Variants in CORO2B observed in about 807,000 individuals in gnomAD.
CORO2B encodes coronin 2B.
Under a neutral mutation model 58.8 loss-of-function variants are expected in CORO2B, and 26 were observed. The ratio of observed to expected loss-of-function variants is 0.44; its 90% CI spans 0.32 to 0.61. The LOEUF (loss-of-function observed/expected upper bound fraction) is 0.61, where lower values mean the gene tolerates loss of function less well. Ranked by LOEUF, CORO2B falls within the 20% of genes least tolerant of loss-of-function variation. The pLI is 0.04. For synonymous variants in CORO2B, 242 were observed against 253.8 expected (o/e 0.95, Z 0.44); for missense variants, 460 against 645.1 (o/e 0.71, Z 3.11).
intron 3 of CORO2B, among the ~76,000 whole-genome samples, chr15:68,707,151 G>A (rs1892805375): frequency 1.3e-5 from 2 of 152,128 alleles, no homozygotes; most frequent in South Asian, 4.1e-4. Context: ...TAAAGTGCTA[G>A]GATTACAGAC....
At chr15:68,539,783 C>G in the CORO2B span, among the ~76,000 whole-genome samples, 1 of 152,122 alleles carries the variant, frequency 6.6e-6, no homozygotes, top group African/African-American at 2.4e-5. Flanking sequence ...ATATTTTAAT[C>G]AAAGTATTTG....
At chr15:68,696,513 C>T (rs145768070) in intron 3 of CORO2B, among the ~76,000 whole-genome samples, 1 of 146,218 alleles carries the variant, frequency 6.8e-6, no homozygotes, top group Non-Finnish European at 1.5e-5. Context: ...CGTGCCACTG[C>T]AGTCCATGCA....
At chr15:68,612,745 TCTC>T (rs1235487792) in intron 1 of CORO2B, among the ~76,000 whole-genome samples, 1 of 152,160 alleles carries the variant, frequency 6.6e-6, no homozygotes, top group Non-Finnish European at 1.5e-5. Flanking sequence ...CACGCCGCAG[TCTC>T]CTCCTCTGCA....
At chr15:68,563,841 A>G in the CORO2B span, among the ~76,000 whole-genome samples, 377 of 152,338 alleles carry the variant, frequency 2.5e-3, no homozygotes, top group South Asian at 0.012. Flanking sequence ...CTAAACAGCT[A>G]TAAGAAATAA....
At chr15:68,542,246 T>C in the CORO2B span, among the ~76,000 whole-genome samples, 2 of 152,238 alleles carry the variant, frequency 1.3e-5, no homozygotes, top group Admixed American at 6.5e-5. Flanking sequence ...TTAATCAATT[T>C]CTGAACTCAT....
At chr15:68,698,334 C>G (rs888025960) in intron 3 of CORO2B, among the ~76,000 whole-genome samples, 1 of 152,188 alleles carries the variant, frequency 6.6e-6, no homozygotes, top group Non-Finnish European at 1.5e-5. Context: ...TAGACCAGGG[C>G]TCCTGGAATC....
chr15:68,689,907 G>T (rs1489754945), intron 2 of CORO2B, among the ~76,000 whole-genome samples: 2 of 152,206 alleles, frequency 1.3e-5, no homozygotes, highest in African/African-American at 2.4e-5. Flanking sequence ...GTGTTGGCTC[G>T]TGAGAGCCTA....
At chr15:68,520,089 T>G in the CORO2B span, among the ~76,000 whole-genome samples, 1 of 152,244 alleles carries the variant, frequency 6.6e-6, no homozygotes, top group East Asian at 1.9e-4. Flanking sequence ...CTTGTTATTC[T>G]TTCATTATCG....
chr15:68,585,492 G>T (rs1023326010), intron 1 of CORO2B, among the ~76,000 whole-genome samples: 1 of 152,224 alleles, frequency 6.6e-6, no homozygotes, highest in African/African-American at 2.4e-5. Context: ...GAGGCTTAGT[G>T]AGAGTAGGTG....
At chr15:68,655,606 C>T (rs927381680) in intron 2 of CORO2B, among the ~76,000 whole-genome samples, 8 of 152,222 alleles carry the variant, frequency 5.3e-5, no homozygotes, top group Non-Finnish European at 5.9e-5. Context: ...TCTCAGAGTC[C>T]ACACTCACAT....
chr15:68,548,197 G>A, the CORO2B span, among the ~76,000 whole-genome samples: 196 of 151,636 alleles, frequency 1.3e-3, no homozygotes, highest in African/African-American at 4.6e-3. Context: ...ATATGTGTGT[G>A]TGTGTGTGTT....
At position 68,708,690 on chromosome 15, in the gene CORO2B, T is replaced by A. The variant is rs534865693; in HGVS notation, c.334-2042T>A. On this transcript the variant is annotated intron_variant, in intron 3 of 11. Coordinates refer to ENST00000261861, the MANE Select transcript of CORO2B (RefSeq NM_006091.5). ...CCTTTGGCTTTCTTCCTTTTTTTTT[T>A]ATTTTCTGAGACAGAGTCTCGCTCT... is the stretch of plus-strand genomic sequence containing the variant. 3.1e-3 allele frequency among the ~76,000 whole-genome samples: 479 copies of A among 152,114 alleles called. 5 individuals are homozygous for A. Among genetic ancestry groups the A allele is most frequent in the African/African-American group, 0.011 (462 of 41,450 alleles).
the CORO2B span, among the ~76,000 whole-genome samples, chr15:68,521,235 A>G: frequency 1.3e-5 from 2 of 151,980 alleles, no homozygotes; most frequent in Admixed American, 6.6e-5. Flanking sequence ...GCTATTTTTC[A>G]TTATTCCATC....
At chr15:68,602,297 T>C (rs1900003994) in intron 1 of CORO2B, among the ~76,000 whole-genome samples, 1 of 151,858 alleles carries the variant, frequency 6.6e-6, no homozygotes, top group African/African-American at 2.4e-5. Context: ...TTTTGATTAG[T>C]AGAAATAATT....
At chr15:68,533,161 C>G in the CORO2B span, among the ~76,000 whole-genome samples, 1 of 152,182 alleles carries the variant, frequency 6.6e-6, no homozygotes, top group African/African-American at 2.4e-5. Flanking sequence ...CACAAATCCC[C>G]AGAGATCATT....
At chr15:68,646,149 A>G (rs1901422160) in intron 2 of CORO2B, among the ~76,000 whole-genome samples, 1 of 151,942 alleles carries the variant, frequency 6.6e-6, no homozygotes, top group Non-Finnish European at 1.5e-5. Context: ...CCCACCTCCT[A>G]TCTAAAGATT....
intron 1 of CORO2B, among the ~76,000 whole-genome samples, chr15:68,640,845 G>A (rs1595983850): frequency 6.6e-6 from 1 of 152,204 alleles, no homozygotes; most frequent in African/African-American, 2.4e-5. Flanking sequence ...AGAAGGGCTG[G>A]GGTAGAGGAG....
the CORO2B span, among the ~76,000 whole-genome samples, chr15:68,536,936 A>G: frequency 6.6e-6 from 1 of 152,218 alleles, no homozygotes; most frequent in Non-Finnish European, 1.5e-5. Context: ...TGATGCTGGC[A>G]GGGAAACCAC....
chr15:68,681,973 C>T (rs1902804428), intron 2 of CORO2B, among the ~76,000 whole-genome samples: 1 of 152,188 alleles, frequency 6.6e-6, no homozygotes, highest in Non-Finnish European at 1.5e-5. Context: ...GGAACCAGAT[C>T]AGCACCAAGA....
Sources: gnomAD v4.1 joint callset for allele counts (sites outside exome capture counted in the v4.1 genomes callset) on GRCh38, gnomAD v4.1.1 for gene constraint, MANE v1.5 for transcripts, NCBI Gene and HGNC (gene_info 2026-07-23, HGNC 2026-07-21) for gene names.